Variants in UNC5D observed in about 807,000 individuals in gnomAD.
UNC5D encodes unc-5 netrin receptor D, also known as netrin receptor UNC5D.
A neutral mutation model predicts 105.4 loss-of-function variants in UNC5D; 39 were observed. The ratio of observed to expected loss-of-function variants is 0.37; its 90% CI spans 0.29 to 0.48. The LOEUF is 0.48. UNC5D is among the 20% of genes least tolerant of loss of function. The pLI is 0.98. For synonymous variants in UNC5D, 452 were observed against 450.4 expected (o/e 1.00, Z -0.04); for missense variants, 991 against 1,202.4 (o/e 0.82, Z 2.60).
intron 1 of UNC5D, among the ~76,000 whole-genome samples, chr8:35,406,961 T>A (rs1322391177): frequency 6.6e-6 from 1 of 152,128 alleles, no homozygotes; most frequent in Non-Finnish European, 1.5e-5. Context: ...TATGTATACA[T>A]ATATGAACTA....
At chr8:35,671,460 A>AAAT in intron 4 of UNC5D, among the ~76,000 whole-genome samples, 1 of 152,230 alleles carries the variant, frequency 6.6e-6, no homozygotes, top group African/African-American at 2.4e-5. Flanking sequence ...TATTGTAATA[A>AAAT]AATAGCAGTT....
intron 16 of UNC5D, among the ~76,000 whole-genome samples, chr8:35,779,525 C>T (rs1454957213): frequency 1.3e-5 from 2 of 152,048 alleles, no homozygotes; most frequent in African/African-American, 4.8e-5. Context: ...GTGGCACAAT[C>T]TCGGCTTACT....
chr8:35,385,750 C>A (rs1803354362), intron 1 of UNC5D, among the ~76,000 whole-genome samples: 1 of 152,082 alleles, frequency 6.6e-6, no homozygotes, highest in Non-Finnish European at 1.5e-5. Context: ...CAGGCGTGAA[C>A]CCCCACGCCC....
intron 1 of UNC5D, among the ~76,000 whole-genome samples, chr8:35,281,704 G>A (rs1806183920): frequency 6.6e-6 from 1 of 152,178 alleles, no homozygotes; most frequent in Non-Finnish European, 1.5e-5. Flanking sequence ...CTGTGAGCAT[G>A]CCTTATAGCT....
At chr8:35,243,846 T>C (rs1455069547) in intron 1 of UNC5D, among the ~76,000 whole-genome samples, 1 of 152,196 alleles carries the variant, frequency 6.6e-6, no homozygotes, top group Non-Finnish European at 1.5e-5. Context: ...TTGAATAATG[T>C]GTGTTACTCG....
intron 1 of UNC5D, among the ~76,000 whole-genome samples, chr8:35,472,505 G>T (rs1416573324): frequency 6.6e-6 from 1 of 152,080 alleles, no homozygotes; most frequent in Non-Finnish European, 1.5e-5. Context: ...TAAGCAACCA[G>T]GTGAACTATA....
At chr8:35,271,003 C>A (rs891111004) in intron 1 of UNC5D, among the ~76,000 whole-genome samples, 6 of 151,768 alleles carry the variant, frequency 4.0e-5, no homozygotes, top group Non-Finnish European at 7.4e-5. Context: ...CAGAGCACAT[C>A]TATTCGGGTG....
intron 1 of UNC5D, among the ~76,000 whole-genome samples, chr8:35,540,765 G>A (rs1262158808): frequency 6.6e-6 from 1 of 152,148 alleles, no homozygotes; most frequent in African/African-American, 2.4e-5. Context: ...GACAACTTAA[G>A]TGAAAGCTAA....
chr8:35,760,879 T>C (rs566922246), intron 14 of UNC5D, among the ~76,000 whole-genome samples: 1 of 152,224 alleles, frequency 6.6e-6, no homozygotes, highest in African/African-American at 2.4e-5. Context: ...TAAAAAAATG[T>C]TGTACCACCA....
At chr8:35,491,299 TA>T (rs548968207) in intron 1 of UNC5D, among the ~76,000 whole-genome samples, 261 of 152,304 alleles carry the variant, frequency 1.7e-3, no homozygotes, top group African/African-American at 5.8e-3. Context: ...ATTTGCCATG[TA>T]TTTTTTTTAA....
At chr8:35,553,162 T>C (rs1816291991) in intron 2 of UNC5D, among the ~76,000 whole-genome samples, 1 of 152,158 alleles carries the variant, frequency 6.6e-6, no homozygotes. Flanking sequence ...ATATCCCTTC[T>C]CATATAAAGA....
At chr8:35,425,315 A>G (rs1264117113) in intron 1 of UNC5D, among the ~76,000 whole-genome samples, 1 of 152,222 alleles carries the variant, frequency 6.6e-6, no homozygotes, top group East Asian at 1.9e-4. Context: ...CGTAGAAACC[A>G]AGTCAGTAAA....
intron 1 of UNC5D, among the ~76,000 whole-genome samples, chr8:35,271,710 TA>T (rs1563268262): frequency 8.6e-6 from 1 of 115,918 alleles, no homozygotes; most frequent in South Asian, 2.7e-4. Context: ...TATACATATA[TA>T]TTTATACATG....
intron 1 of UNC5D, among the ~76,000 whole-genome samples, chr8:35,409,490 A>G (rs1585775364): frequency 6.6e-6 from 1 of 151,106 alleles, no homozygotes; most frequent in African/African-American, 2.4e-5. Flanking sequence ...ATTTTTTGTA[A>G]TAACTCATGA....
chr8:35,245,029 T>A (rs1207815748), intron 1 of UNC5D, among the ~76,000 whole-genome samples: 2 of 152,094 alleles, frequency 1.3e-5, no homozygotes, highest in Non-Finnish European at 2.9e-5. Flanking sequence ...AATTAATTAA[T>A]TAAATAAATA....
rs944208487 is a variant in UNC5D at position 35,406,432 on chromosome 8, C to T, written c.104-142860C>T. Among the ~76,000 whole-genome samples, 5 of 152,200 alleles carry T rather than the reference C, an allele frequency of 3.3e-5. No individual in the cohort carries two copies. In the East Asian group the frequency reaches 7.7e-4, roughly 24 times the overall value. On this transcript the variant is annotated intron_variant, in intron 1 of 16. Transcript: ENST00000404895. ...TGTTTCTCAGTGATAGCAAATACTG[C>T]CACTTTTTTCAGCATGATTAAACTT...
At chr8:35,683,815 A>G in intron 5 of UNC5D, 88 bp downstream of exon 5, 1 of 1,292,044 alleles carries the variant, frequency 7.7e-7, no homozygotes, top group South Asian at 2.3e-5. Context: ...CAATGTCGAG[A>G]GCTGCAAAGA....
intron 1 of UNC5D, among the ~76,000 whole-genome samples, chr8:35,270,006 G>T (rs2128832422): frequency 6.6e-6 from 1 of 152,292 alleles, no homozygotes; most frequent in Admixed American, 6.5e-5. Flanking sequence ...TTTGGAGTAG[G>T]ATGGGAGAAG....
chr8:35,263,462 C>G (rs1213434162), intron 1 of UNC5D, among the ~76,000 whole-genome samples: 1 of 151,950 alleles, frequency 6.6e-6, no homozygotes, highest in East Asian at 1.9e-4. Flanking sequence ...GGAGTGCAGT[C>G]CAGCTCACTG....
Sources: gnomAD v4.1 joint callset for allele counts (sites outside exome capture counted in the v4.1 genomes callset) on GRCh38, gnomAD v4.1.1 for gene constraint, MANE v1.5 for transcripts, NCBI Gene and HGNC (gene_info 2026-07-23, HGNC 2026-07-21) for gene names.